The following RAB6B variants were observed in gnomAD, a reference collection of about 807,000 sequenced individuals.
RAB6B encodes the protein RAB6B, member RAS oncogene family.
RAB6B carries 7 observed loss-of-function variants against 31.2 expected under a neutral mutation model. The ratio of observed to expected loss-of-function variants is 0.22; its 90% CI spans 0.13 to 0.42. The LOEUF is 0.42. RAB6B is among the 10% of genes least tolerant of loss of function. RAB6B has a pLI of 1.00. For synonymous variants in RAB6B, 105 were observed against 104.9 expected, an observed-to-expected ratio of 1.00 and a Z score of -0.01; for missense variants, 149 against 280.6, an observed-to-expected ratio of 0.53 and a Z score of 3.35.
chr3:133,884,067 A>AGACT (rs3086472), intron 1 of RAB6B, among the ~76,000 whole-genome samples: 14,054 of 152,178 alleles, frequency 0.092, 1,210 homozygotes, highest in African/African-American at 0.24. Flanking sequence ...CTGAACTCAC[A>AGACT]ACCTGGCACT....
intron 1 of RAB6B, among the ~76,000 whole-genome samples, chr3:133,877,745 T>C (rs1936415921): frequency 1.3e-5 from 2 of 148,568 alleles, no homozygotes; most frequent in African/African-American, 2.4e-5. Flanking sequence ...TATTATATAT[T>C]ATAACTGTTA....
At chr3:133,854,271 T>C (rs533275806) in intron 2 of RAB6B, among the ~76,000 whole-genome samples, 1 of 152,358 alleles carries the variant, frequency 6.6e-6, no homozygotes, top group South Asian at 2.1e-4. Flanking sequence ...CTCTTCTAGC[T>C]TGCCATGGAG....
intron 1 of RAB6B, among the ~76,000 whole-genome samples, chr3:133,873,676 T>C (rs2108008901): frequency 6.6e-6 from 1 of 152,330 alleles, no homozygotes; most frequent in Non-Finnish European, 1.5e-5. Flanking sequence ...AATTTATATA[T>C]TCAAGGTGTA....
At chr3:133,877,876 T>C (rs916556654) in intron 1 of RAB6B, among the ~76,000 whole-genome samples, 2 of 151,334 alleles carry the variant, frequency 1.3e-5, no homozygotes, top group Non-Finnish European at 2.9e-5. Context: ...AAAAATAGAT[T>C]TTCAAAGACA....
At chr3:133,869,404 G>A (rs912649563) in intron 1 of RAB6B, among the ~76,000 whole-genome samples, 28 of 152,166 alleles carry the variant, frequency 1.8e-4, no homozygotes, top group Non-Finnish European at 2.9e-4. Flanking sequence ...ACAGAGAGAA[G>A]TACAAAGGCA....
chr3:133,881,480 A>C (rs921227786), intron 1 of RAB6B, among the ~76,000 whole-genome samples: 1 of 152,216 alleles, frequency 6.6e-6, no homozygotes, highest in African/African-American at 2.4e-5. Context: ...AAATGGAAAC[A>C]CACAACATGG....
At chr3:133,856,590 T>C (rs889730647) in intron 2 of RAB6B, among the ~76,000 whole-genome samples, 1 of 152,016 alleles carries the variant, frequency 6.6e-6, no homozygotes, top group African/African-American at 2.4e-5. Flanking sequence ...AGCGAGGGAG[T>C]AGGAGGTTGC....
chr3:133,837,129 T>C (rs1388055707), intron 6 of RAB6B, among the ~76,000 whole-genome samples: 3 of 152,042 alleles, frequency 2.0e-5, no homozygotes, highest in Non-Finnish European at 4.4e-5. Flanking sequence ...CTGCTTGGCA[T>C]GCCCTCCCTC....
intron 7 of RAB6B, among the ~76,000 whole-genome samples, chr3:133,832,482 C>T (rs1935668694): frequency 6.6e-6 from 1 of 152,234 alleles, no homozygotes; most frequent in Admixed American, 6.5e-5. Context: ...ACAGTTTATA[C>T]AGCGCCACAA....
In RAB6B at chr3:133,841,172, G is replaced by T. The variant is rs989626533; in HGVS notation, c.289+113C>A. On this transcript the variant is annotated intron_variant, in intron 4 of 7. Transcript: ENST00000285208. ...ATTCAGGGAGCAATCGCACACACAT[G>T]CGTGTGCACACACATGCGTGTGCAC... The T allele has an allele frequency of 2.4e-5, 17 of 703,166 alleles. No individual in the cohort carries two copies. The African/African-American group carries it at 2.9e-4, about 12-fold the overall frequency. 43.6% of individuals were successfully genotyped at this position (703,166 alleles called of 1,614,324 possible).
Position 133,828,351 on chromosome 3 carries a change from G to A in RAB6B, c.*437C>T, listed in dbSNP as rs1935605187. 1.1e-5 allele frequency: 4 copies of A among 351,178 alleles called. No individual in the cohort carries two copies. Among genetic ancestry groups the A allele is most frequent in the African/African-American group, 8.5e-5 (4 of 47,212 alleles). The allele number at this position is 351,178 out of a possible 1,614,324, so 21.8% of individuals were successfully genotyped here. A position where few individuals can be genotyped will look rare whatever the true frequency, so the allele number is the denominator to read the frequency against. On this transcript the variant is annotated 3_prime_UTR_variant, in exon 8 of 8. Coordinates refer to ENST00000285208, the MANE Select transcript of RAB6B (RefSeq NM_016577.4). ...TTTTAATTTATTGGGCTGGGGATAG[G>A]AGGAAGGCAGAGGTGATGAATGGTT...
chr3:133,838,357 G>C, intron 5 of RAB6B, 98 bp from the exon 6 acceptor site: 1 of 1,098,374 alleles, frequency 9.1e-7, no homozygotes, highest in Non-Finnish European at 1.4e-6. Flanking sequence ...GGAGCCCACT[G>C]GGCCCTTGGT....
chr3:133,890,317 T>C (rs772934418), intron 1 of RAB6B, among the ~76,000 whole-genome samples: 5 of 152,202 alleles, frequency 3.3e-5, no homozygotes, highest in East Asian at 1.9e-4. Flanking sequence ...CAAGGTTACA[T>C]GATCCAGCTG....
At chr3:133,858,510 G>C (rs1477335315) in intron 2 of RAB6B, among the ~76,000 whole-genome samples, 1 of 152,102 alleles carries the variant, frequency 6.6e-6, no homozygotes, top group African/African-American at 2.4e-5. Flanking sequence ...GGCCCTCCCT[G>C]GCTTACAGAT....
chr3:133,851,779 C>T (rs1056501433), intron 2 of RAB6B, among the ~76,000 whole-genome samples: 7 of 152,136 alleles, frequency 4.6e-5, no homozygotes, highest in Non-Finnish European at 1.0e-4. Context: ...AGCAAGTCAG[C>T]GAGGTCACAG....
At chr3:133,847,109 A>G (rs1223207228) in intron 2 of RAB6B, among the ~76,000 whole-genome samples, 1 of 152,256 alleles carries the variant, frequency 6.6e-6, no homozygotes, top group Non-Finnish European at 1.5e-5. Flanking sequence ...CACAGTAACA[A>G]CATCTCAGCA....
At chr3:133,831,539 C>A (rs1447952499) in intron 7 of RAB6B, among the ~76,000 whole-genome samples, 2 of 152,236 alleles carry the variant, frequency 1.3e-5, no homozygotes, top group Non-Finnish European at 2.9e-5. Context: ...CGCTAGGAGC[C>A]TTCCCAAAGG....
chr3:133,856,945 A>C (rs1363038241), intron 2 of RAB6B, among the ~76,000 whole-genome samples: 1 of 152,184 alleles, frequency 6.6e-6, no homozygotes, highest in Non-Finnish European at 1.5e-5. Flanking sequence ...CTACTCTATT[A>C]ATATAAAAAA....
chr3:133,866,676 G>A (rs565299387), intron 1 of RAB6B, among the ~76,000 whole-genome samples: 137 of 152,364 alleles, frequency 9.0e-4, no homozygotes, highest in Non-Finnish European at 1.5e-3. Context: ...TGAGAAGTAG[G>A]GGGCCTCCCA....
Sources: gnomAD v4.1 joint callset for allele counts (sites outside exome capture counted in the v4.1 genomes callset) on GRCh38, gnomAD v4.1.1 for gene constraint, MANE v1.5 for transcripts, NCBI Gene and HGNC (gene_info 2026-07-23, HGNC 2026-07-21) for gene names.